The following GRIA2 variants were observed in gnomAD, a reference collection of about 807,000 sequenced individuals.
The protein encoded by GRIA2 is glutamate ionotropic receptor AMPA type subunit 2.
GRIA2 carries 14 observed loss-of-function variants against 97.3 expected under a neutral mutation model. The ratio of observed to expected loss-of-function variants is 0.14; its 90% confidence interval spans 0.10 to 0.23. The LOEUF (loss-of-function observed/expected upper bound fraction) is 0.23. Ranked by LOEUF, GRIA2 falls within the 10% of genes least tolerant of loss-of-function variation. GRIA2 has a pLI of 1.00. For missense variants in GRIA2, 558 were observed against 1,069.8 expected (o/e 0.52, Z 6.67); for synonymous variants, 412 against 387.8 (o/e 1.06, Z -0.73).
intron 12 of GRIA2, among the ~76,000 whole-genome samples, chr4:157,353,858 A>T (rs1044787081): frequency 1.3e-5 from 2 of 152,168 alleles, no homozygotes; most frequent in African/African-American, 2.4e-5. Flanking sequence ...ATGATAAATT[A>T]ATCGTATAGA....
At chr4:157,241,435 T>A (rs1413792073) in intron 2 of GRIA2, among the ~76,000 whole-genome samples, 1 of 152,022 alleles carries the variant, frequency 6.6e-6, no homozygotes, top group East Asian at 1.9e-4. Context: ...GAAAACAGAT[T>A]CCCCCATGAA....
chr4:157,235,667 GC>G (rs1162516123), intron 2 of GRIA2, among the ~76,000 whole-genome samples: 1 of 151,904 alleles, frequency 6.6e-6, no homozygotes, highest in Non-Finnish European at 1.5e-5. Context: ...AATGCCAATT[GC>G]AGATCTGTTA....
intron 11 of GRIA2, among the ~76,000 whole-genome samples, chr4:157,338,247 A>G (rs1412933364): frequency 1.3e-5 from 2 of 151,818 alleles, no homozygotes; most frequent in Non-Finnish European, 2.9e-5. Context: ...CTTTGGTAAG[A>G]AGAACAATGA....
chr4:157,258,032 C>A (rs1731355978), intron 2 of GRIA2, among the ~76,000 whole-genome samples: 1 of 152,062 alleles, frequency 6.6e-6, no homozygotes, highest in African/African-American at 2.4e-5. Flanking sequence ...CTATGCCTGT[C>A]TTTACTTTAA....
At chr4:157,332,284 T>G (rs990879235) in intron 6 of GRIA2, among the ~76,000 whole-genome samples, 2 of 151,972 alleles carry the variant, frequency 1.3e-5, no homozygotes, top group Non-Finnish European at 2.9e-5. Context: ...TTTGTGGTTC[T>G]TCTACTTGAT....
intron 2 of GRIA2, among the ~76,000 whole-genome samples, chr4:157,231,871 T>A (rs1730035204): frequency 6.6e-6 from 1 of 152,164 alleles, no homozygotes; most frequent in Non-Finnish European, 1.5e-5. Flanking sequence ...AATAAAAACA[T>A]TTTGGATTTA....
chr4:157,328,251 G>C (rs978543946), intron 6 of GRIA2, among the ~76,000 whole-genome samples: 5 of 151,936 alleles, frequency 3.3e-5, no homozygotes, highest in Admixed American at 2.6e-4. Context: ...AACAAGTGTA[G>C]GTAAACTCTT....
chr4:157,275,649 T>C (rs185468971), intron 2 of GRIA2, among the ~76,000 whole-genome samples: 2 of 152,304 alleles, frequency 1.3e-5, no homozygotes, highest in East Asian at 1.9e-4. Context: ...TTCTTGTTTT[T>C]GTCAGGCTTG....
At chr4:157,272,283 T>C (rs6847043) in intron 2 of GRIA2, among the ~76,000 whole-genome samples, 54,799 of 151,756 alleles carry the variant, frequency 0.36, 10,392 homozygotes, top group African/African-American at 0.47. Flanking sequence ...TCCATTAAAC[T>C]AAGTAAAAAT....
chr4:157,339,535 A>T (rs1253084405), intron 11 of GRIA2, among the ~76,000 whole-genome samples: 1 of 151,976 alleles, frequency 6.6e-6, no homozygotes, highest in Non-Finnish European at 1.5e-5. Context: ...TTTAGATATC[A>T]TGTACATTTT....
intron 3 of GRIA2, among the ~76,000 whole-genome samples, chr4:157,305,918 C>G (rs144710978): frequency 1.3e-5 from 2 of 152,110 alleles, no homozygotes; most frequent in Middle Eastern, 3.4e-3. Flanking sequence ...AAAGAGTGCC[C>G]AGGCAGTGCT....
chr4:157,238,036 A>G (rs1293919906), intron 2 of GRIA2, among the ~76,000 whole-genome samples: 1 of 152,184 alleles, frequency 6.6e-6, no homozygotes, highest in East Asian at 1.9e-4. Flanking sequence ...TCTATATGCA[A>G]TAAAGAAAGG....
At position 157,249,089 on chromosome 4, in the gene GRIA2, C is replaced by G. The variant is rs1730910670; in HGVS notation, c.229+27282C>G. The stretch of plus-strand genomic sequence containing the variant: ...GCCTCAAGTGATCCTCCTGCCTCAG[C>G]CTCCCAAAGTGCTGGGATTAAAGGC... On this transcript the variant is annotated intron_variant, in intron 2 of 15. Transcript: ENST00000264426. 2.0e-5 allele frequency among the ~76,000 whole-genome samples: 3 copies of G among 152,158 alleles called. No individual in the cohort carries two copies. The South Asian group carries it at 6.2e-4, about 32-fold the overall frequency.
chr4:157,229,234 C>T (rs1279277857), intron 2 of GRIA2, among the ~76,000 whole-genome samples: 1 of 152,038 alleles, frequency 6.6e-6, no homozygotes. Flanking sequence ...TTAGGGCCTG[C>T]AGTTTATGTT....
In GRIA2 at chr4:157,221,719, G is replaced by T; in HGVS notation, c.141G>T (p.Gly47=). The change falls in exon 2 of 16, where the codon GGG becomes GGT. Residue 47 remains glycine (G), a synonymous_variant. Transcript: ENST00000264426. ...AAGAATACAGTGCATTTCGAGTAGG[G>T]ATGGTTCAGTTTTCCACTTCGGAGT... ...ADQEYSAFRV[G]MVQFSTSEFR... The T allele has an allele frequency of 6.2e-7, 1 of 1,614,080 alleles. No homozygotes were observed. Among genetic ancestry groups the T allele is most frequent in the Non-Finnish European group, 8.5e-7 (1 of 1,179,914 alleles).
intron 5 of GRIA2, among the ~76,000 whole-genome samples, chr4:157,321,138 A>C (rs1233525944): frequency 1.3e-5 from 2 of 152,144 alleles, no homozygotes; most frequent in Non-Finnish European, 2.9e-5. Flanking sequence ...CCTAGTCCTT[A>C]TCAATGGAAG....
intron 2 of GRIA2, 137 bp from the exon 3 acceptor site, chr4:157,303,415 A>G (rs1319095134): frequency 5.7e-6 from 4 of 697,544 alleles, no homozygotes; most frequent in Non-Finnish European, 9.5e-6. Flanking sequence ...ATAAATTACA[A>G]TGGATCATTA....
At chr4:157,273,514 C>T (rs747393979) in intron 2 of GRIA2, among the ~76,000 whole-genome samples, 12 of 151,772 alleles carry the variant, frequency 7.9e-5, no homozygotes, top group South Asian at 2.1e-4. Context: ...AGATGTATAA[C>T]GTAAGCATAG....
intron 11 of GRIA2, among the ~76,000 whole-genome samples, chr4:157,337,586 G>A (rs906773258): frequency 1.3e-5 from 2 of 151,604 alleles, no homozygotes. Flanking sequence ...TTTTAATTTG[G>A]GCTCTATTAC....
Sources: allele counts gnomAD v4.1 joint callset (sites outside exome capture counted in the v4.1 genomes callset), GRCh38; gene constraint gnomAD v4.1.1; transcripts MANE v1.5; gene names NCBI Gene and HGNC (gene_info 2026-07-23, HGNC 2026-07-21).